Variants in CDH7 observed in about 807,000 individuals in gnomAD.
CDH7 encodes cadherin-7.
Under a neutral mutation model 71.8 loss-of-function variants are expected in CDH7, and 25 were observed. The observed-to-expected ratio is 0.35, with a 90% CI of 0.25 to 0.49. The LOEUF is 0.49. Among genes scored for constraint, CDH7 ranks in the 20% least tolerant of loss-of-function variants. The pLI, the probability that CDH7 is intolerant of heterozygous loss-of-function variation, is 0.99. For synonymous variants in CDH7, 381 were observed against 363.8 expected, an observed-to-expected ratio of 1.05 and a Z score of -0.54; for missense variants, 862 against 974.6, an observed-to-expected ratio of 0.88 and a Z score of 1.54.
At chr18:65,826,778 A>C (rs892517016) in intron 6 of CDH7, among the ~76,000 whole-genome samples, 10 of 151,554 alleles carry the variant, frequency 6.6e-5, no homozygotes, top group Non-Finnish European at 1.5e-4. Context: ...CTCATTAAAA[A>C]CACTGTATAA....
chr18:65,803,620 T>C (rs1911202976), intron 2 of CDH7: 1 of 152,086 alleles, frequency 6.6e-6, no homozygotes, highest in African/African-American at 2.4e-5. Flanking sequence ...AGCTTGATAA[T>C]TGCAATATAT....
intron 2 of CDH7, among the ~76,000 whole-genome samples, chr18:65,781,906 T>TCTTTCTCTCTCTCTCTC (rs1568181869): frequency 2.1e-5 from 1 of 46,770 alleles, no homozygotes; most frequent in Non-Finnish European, 3.9e-5. Flanking sequence ...CTCTCTATCT[T>TCTTTCTCTCTCTCTCTC]TCTCTCTTTC....
At chr18:65,755,999 A>G (rs1005806604) in intron 1 of CDH7, among the ~76,000 whole-genome samples, 1 of 152,206 alleles carries the variant, frequency 6.6e-6, no homozygotes, top group African/African-American at 2.4e-5. Context: ...ACAAAAACAA[A>G]AAACAAAACA....
chr18:65,847,789 G>A (rs1162170155), intron 7 of CDH7, among the ~76,000 whole-genome samples: 2 of 152,044 alleles, frequency 1.3e-5, no homozygotes, highest in African/African-American at 2.4e-5. Flanking sequence ...TGAATGTTAG[G>A]TCTTTTTTAT....
At position 65,882,736 on chromosome 18, in the gene CDH7, A is replaced by T. The variant is rs1400004447; in HGVS notation, c.*1842A>T. The stretch of plus-strand genomic sequence containing the variant: ...ATGCATATATATTTTAAAAAATTAT[A>T]ACAGTGAAAGATACTGTTCATAACT... On this transcript the variant is annotated 3_prime_UTR_variant, in exon 12 of 12. Transcript: ENST00000397968. 1 of 152,130 alleles carries T rather than the reference A, an allele frequency of 6.6e-6. No individual in the cohort carries two copies. Among genetic ancestry groups the T allele is most frequent in the African/African-American group, 2.4e-5 (1 of 41,452 alleles). 9.4% of individuals were successfully genotyped at this position (152,130 alleles called of 1,614,324 possible).
chr18:65,758,568 C>CA (rs962953860), intron 1 of CDH7, among the ~76,000 whole-genome samples: 1 of 152,064 alleles, frequency 6.6e-6, no homozygotes, highest in African/African-American at 2.4e-5. Context: ...ACACTTATCT[C>CA]AAAAAAGAAA....
At chr18:65,879,996 T>TAA (rs1408066173) in intron 11 of CDH7, among the ~76,000 whole-genome samples, 2 of 152,346 alleles carry the variant, frequency 1.3e-5, no homozygotes, top group East Asian at 3.9e-4. Context: ...TTGCAGTTGT[T>TAA]AAATTAGACA....
chr18:65,833,897 G>A (rs1190964347), intron 6 of CDH7, among the ~76,000 whole-genome samples: 3 of 152,062 alleles, frequency 2.0e-5, no homozygotes, highest in Non-Finnish European at 2.9e-5. Flanking sequence ...TTCAGCTTCT[G>A]TTTGATTTTT....
intron 2 of CDH7, among the ~76,000 whole-genome samples, chr18:65,778,265 C>G: frequency 9.6e-6 from 1 of 103,752 alleles, no homozygotes; most frequent in South Asian, 3.7e-4. Context: ...GCATGAGACT[C>G]TGTCTCAAAA....
rs149485406 is a variant in CDH7, at chr18:65,881,991, T to C, written c.*1097T>C. 6.6e-6 allele frequency: 1 copy of C among 152,334 alleles called. No individual in the cohort carries two copies. Among genetic ancestry groups the C allele is most frequent in the Non-Finnish European group, 1.5e-5 (1 of 68,012 alleles). 9.4% of individuals were successfully genotyped at this position (152,334 alleles called of 1,614,324 possible). A position where few individuals can be genotyped will look rare whatever the true frequency, so the allele number is the denominator to read the frequency against. On this transcript the variant is annotated 3_prime_UTR_variant, in exon 12 of 12. Coordinates refer to ENST00000397968, the MANE Select transcript of CDH7 (RefSeq NM_004361.5). ...GACTTCAGAGAGAATTGAGATTTTCTTTGATGCAAGAATTATTTTTCAAGA... is the reference window on the plus strand; with the variant it reads ...GACTTCAGAGAGAATTGAGATTTTCCTTGATGCAAGAATTATTTTTCAAGA...
rs143807924 is a variant in CDH7 at position 65,786,423 on chromosome 18, C to G, written c.211-23281C>G. Among the ~76,000 whole-genome samples, 144 of 152,212 alleles carry G rather than the reference C, an allele frequency of 9.5e-4. 1 individual carries two copies. The highest frequency in any genetic ancestry group is 1.8e-3 in the Admixed American group (28 of 15,278). On this transcript the variant is annotated intron_variant, in intron 2 of 11. Coordinates refer to ENST00000397968, the MANE Select transcript of CDH7 (RefSeq NM_004361.5). ...TAAGCCCACAACCGCCCCCCCAGTTCTTGGACTTTAGAATGACCTATGCAA... is the reference window on the plus strand; with the variant it reads ...TAAGCCCACAACCGCCCCCCCAGTTGTTGGACTTTAGAATGACCTATGCAA...
intron 1 of CDH7, among the ~76,000 whole-genome samples, chr18:65,760,995 A>G (rs1483128714): frequency 6.6e-6 from 1 of 152,204 alleles, no homozygotes; most frequent in African/African-American, 2.4e-5. Context: ...CTTGTTCTTT[A>G]TAAGTCAAAA....
intron 2 of CDH7, among the ~76,000 whole-genome samples, chr18:65,788,240 G>T (rs753689049): frequency 2.0e-5 from 3 of 152,062 alleles, no homozygotes; most frequent in Non-Finnish European, 4.4e-5. Flanking sequence ...ATGTACCAAG[G>T]ACACACCACT....
At chr18:65,849,104 CTGAT>C (rs574383620) in intron 7 of CDH7, among the ~76,000 whole-genome samples, 1 of 152,036 alleles carries the variant, frequency 6.6e-6, no homozygotes, top group Non-Finnish European at 1.5e-5. Context: ...AGCAATAAAA[CTGAT>C]TAACTTAAAA....
intron 2 of CDH7, among the ~76,000 whole-genome samples, chr18:65,799,142 A>G (rs1911022225): frequency 2.0e-5 from 3 of 152,056 alleles, no homozygotes; most frequent in African/African-American, 7.2e-5. Flanking sequence ...ACATCAAGAG[A>G]CACTCTAGTG....
chr18:65,785,771 A>G (rs1186292168), intron 2 of CDH7, among the ~76,000 whole-genome samples: 1 of 152,178 alleles, frequency 6.6e-6, no homozygotes, highest in Non-Finnish European at 1.5e-5. Flanking sequence ...AAGCATGAAA[A>G]TTATGATTGC....
intron 2 of CDH7, among the ~76,000 whole-genome samples, chr18:65,773,999 AC>A (rs1916622788): frequency 6.6e-6 from 1 of 152,184 alleles, no homozygotes; most frequent in Non-Finnish European, 1.5e-5. Flanking sequence ...GTATGACATG[AC>A]TTCTCAAACT....
intron 3 of CDH7, among the ~76,000 whole-genome samples, chr18:65,813,696 T>C (rs935156070): frequency 2.0e-5 from 3 of 151,700 alleles, no homozygotes; most frequent in Admixed American, 2.0e-4. Flanking sequence ...TAAACATGAG[T>C]CTCTCTAATA....
At chr18:65,836,235 A>G (rs1468017703) in intron 6 of CDH7, among the ~76,000 whole-genome samples, 1 of 152,214 alleles carries the variant, frequency 6.6e-6, no homozygotes, top group Non-Finnish European at 1.5e-5. Context: ...CTGTAGCAGT[A>G]TGAAATTAAT....
Sources: gnomAD v4.1 joint callset for allele counts (sites outside exome capture counted in the v4.1 genomes callset) on GRCh38, gnomAD v4.1.1 for gene constraint, MANE v1.5 for transcripts, NCBI Gene and HGNC (gene_info 2026-07-23, HGNC 2026-07-21) for gene names.